Variants in RGS12 observed in about 807,000 individuals in gnomAD.
RGS12 encodes the protein regulator of G protein signaling 12.
RGS12 carries 66 observed loss-of-function variants against 120.1 expected under a neutral mutation model. The observed-to-expected ratio is 0.55, with a 90% CI of 0.45 to 0.67. The LOEUF (loss-of-function observed/expected upper bound fraction) is 0.67. Ranked by LOEUF, RGS12 falls within the 30% of genes least tolerant of loss-of-function variation. The pLI is 0.00. For missense variants in RGS12, 1,859 were observed against 1,957.7 expected (o/e 0.95, Z 0.95); for synonymous variants, 827 against 804.7 (o/e 1.03, Z -0.47).
chr4:3,439,384 G>A (rs1725119692), intron 17 of RGS12, 71 bp from the exon 18 acceptor site: 6 of 1,484,510 alleles, frequency 4.0e-6, no homozygotes, highest in Non-Finnish European at 5.6e-6. Context: ...GGGGCCTTCG[G>A]GGTAGGGGGT....
chr4:3,423,932 T>C (rs760832011), intron 13 of RGS12: 2 of 320,148 alleles, frequency 6.2e-6, no homozygotes, highest in Non-Finnish European at 1.2e-5. Context: ...AACCCTGGAC[T>C]ATCCTCCGCT....
intron 1 of RGS12, among the ~76,000 whole-genome samples, chr4:3,308,134 G>A (rs920947110): frequency 6.6e-6 from 1 of 152,244 alleles, no homozygotes; most frequent in Non-Finnish European, 1.5e-5. Context: ...CCGTCCATCT[G>A]GTGCTGCTAG....
In RGS12 at chr4:3,422,911, G is replaced by C. The variant is rs893794895; in HGVS notation, c.3040G>C (p.Val1014Leu). 3 of 1,613,232 alleles carry C rather than the reference G, an allele frequency of 1.9e-6. No homozygotes were observed. The highest frequency in any genetic ancestry group is 1.3e-5 in the African/African-American group (1 of 75,064). Residue 1014 changes from valine (V) to leucine (L), a missense_variant, in exon 12 of 18, where the codon GTG (valine) becomes CTG (leucine). Around this residue, in one of 3 missense-constraint regions of RGS12, gnomAD observed 375 missense variants for 475.0 expected, o/e 0.79. Coordinates refer to ENST00000336727, the MANE Select transcript of RGS12 (RefSeq NM_001394154.1). ...TGGTCTCTCTGTTCCTCAGCCTCTG[G>C]TGCTGCACCAAGACAGTAGCATCTT... The part of the protein sequence containing the change: ...LFLVGGDKPL[V>L]LHQDSSILES...
intron 3 of RGS12, among the ~76,000 whole-genome samples, chr4:3,375,499 GC>G (rs1272390057): frequency 3.1e-5 from 2 of 63,646 alleles, no homozygotes; most frequent in African/African-American, 6.4e-5. Flanking sequence ...CTCATCTCCA[GC>G]CCTCATCTCC....
intron 4 of RGS12, among the ~76,000 whole-genome samples, chr4:3,392,810 G>A (rs1719641917): frequency 6.6e-6 from 1 of 152,086 alleles, no homozygotes; most frequent in South Asian, 2.1e-4. Flanking sequence ...CCAACATGGT[G>A]AAACCCCGTG....
chr4:3,295,466 G>T (rs1398464743), intron 1 of RGS12, among the ~76,000 whole-genome samples: 1 of 152,004 alleles, frequency 6.6e-6, no homozygotes, highest in African/African-American at 2.4e-5. Context: ...TTCGAGACCA[G>T]CCTGGCCAAC....
intron 4 of RGS12, among the ~76,000 whole-genome samples, chr4:3,396,312 C>T (rs1037296126): frequency 5.3e-5 from 8 of 152,144 alleles, no homozygotes; most frequent in African/African-American, 1.9e-4. Context: ...TAATATAATC[C>T]AGTTTATCAT....
At chr4:3,424,724 A>T (rs1345778035) in intron 13 of RGS12, among the ~76,000 whole-genome samples, 1 of 152,022 alleles carries the variant, frequency 6.6e-6, no homozygotes, top group Non-Finnish European at 1.5e-5. Context: ...GTTGTTTGGG[A>T]TGTGGCTTTT....
intron 1 of RGS12, among the ~76,000 whole-genome samples, chr4:3,311,169 C>T (rs887502132): frequency 6.6e-6 from 1 of 152,182 alleles, no homozygotes; most frequent in Non-Finnish European, 1.5e-5. Flanking sequence ...CAGACTCTCT[C>T]TGCCTTCGGA....
intron 3 of RGS12, among the ~76,000 whole-genome samples, chr4:3,382,185 C>T (rs966831812): frequency 2.0e-5 from 3 of 152,146 alleles, no homozygotes; most frequent in African/African-American, 4.8e-5. Flanking sequence ...GTGATTATAC[C>T]ATGATATCAT....
intron 2 of RGS12, among the ~76,000 whole-genome samples, chr4:3,334,224 C>T (rs76655247): frequency 0.038 from 5,819 of 152,226 alleles, 291 homozygotes; most frequent in African/African-American, 0.12. Context: ...TTCGTTACTA[C>T]TTGTTAATAT....
Position 3,372,052 on chromosome 4 carries a change from G to A in RGS12, c.1999-14364G>A, listed in dbSNP as rs890155580. Among the ~76,000 whole-genome samples the A allele has an allele frequency of 1.3e-5, 2 of 152,214 alleles. No homozygotes were observed. The highest frequency in any genetic ancestry group is 4.8e-5 in the African/African-American group (2 of 41,444). On this transcript the variant is annotated intron_variant, in intron 3 of 17. Coordinates refer to ENST00000336727, the MANE Select transcript of RGS12 (RefSeq NM_001394154.1). The surrounding 1 kb of genome is among the most constrained non-coding windows in gnomAD (Gnocchi z 4.3). Reference sequence around the variant, plus strand: ...GCAGGCCGGGAAGATGCCCGTGCCTGTCACCTAATCGGGGCACCTCATCCT... The same window carrying A: ...GCAGGCCGGGAAGATGCCCGTGCCTATCACCTAATCGGGGCACCTCATCCT...
At chr4:3,421,951 G>T (rs1474069159) in intron 10 of RGS12, among the ~76,000 whole-genome samples, 3 of 152,264 alleles carry the variant, frequency 2.0e-5, no homozygotes, top group African/African-American at 7.2e-5. Flanking sequence ...TGCCGACGAA[G>T]TCACAGTCCA....
chr4:3,380,740 A>G (rs967312437), intron 3 of RGS12, among the ~76,000 whole-genome samples: 1 of 152,194 alleles, frequency 6.6e-6, no homozygotes, highest in African/African-American at 2.4e-5. Flanking sequence ...GATTCAGGGC[A>G]CCATGTCCTG....
At position 3,439,766 on chromosome 4, in the gene RGS12, A is replaced by G; in HGVS notation, c.*82A>G. On this transcript the variant is annotated 3_prime_UTR_variant, in exon 18 of 18. Transcript: ENST00000336727. ...GGATTCTGTGGGCCTCAGGGGGGCC[A>G]CCCTGGCCACCACACCCTCAGGAGC... 7.7e-7 allele frequency: 1 copy of G among 1,303,138 alleles called. No homozygotes were observed. The highest frequency in any genetic ancestry group is 1.0e-6 in the Non-Finnish European group (1 of 974,836). The allele number at this position is 1,303,138 out of a possible 1,614,324, so 80.7% of individuals were successfully genotyped here. A position where few individuals can be genotyped will look rare whatever the true frequency, so the allele number is the denominator to read the frequency against.
At position 3,389,240 on chromosome 4, in the gene RGS12, G is replaced by A. The variant is rs1041939760; in HGVS notation, c.2020+2803G>A. 2.0e-5 allele frequency among the ~76,000 whole-genome samples: 3 copies of A among 152,088 alleles called. No homozygotes were observed. Among genetic ancestry groups the A allele is most frequent in the Non-Finnish European group, 4.4e-5 (3 of 68,026 alleles). ...AGAAAGGGGCTGATAATGGCCACCC[G>A]TTTGTAGCCAAAGAGTGCCCTCGGG... On this transcript the variant is annotated intron_variant, in intron 4 of 17. Coordinates refer to ENST00000336727, the MANE Select transcript of RGS12 (RefSeq NM_001394154.1). This position sits in a 1 kb window ranked among gnomAD's most constrained non-coding sequence, Gnocchi z 5.2.
At chr4:3,409,881 C>T (rs1488460226) in intron 4 of RGS12, among the ~76,000 whole-genome samples, 1 of 152,186 alleles carries the variant, frequency 6.6e-6, no homozygotes, top group African/African-American at 2.4e-5. Flanking sequence ...TAGGCAGCCT[C>T]CAGGCCACCC....
intron 2 of RGS12, among the ~76,000 whole-genome samples, chr4:3,336,304 C>A (rs1712454150): frequency 6.6e-6 from 1 of 152,216 alleles, no homozygotes; most frequent in Non-Finnish European, 1.5e-5. Flanking sequence ...AGTCCCTCTG[C>A]CTTTCCATCC....
At chr4:3,291,572 C>G (rs1479805275), upstream of RGS12, among the ~76,000 whole-genome samples, 1 of 152,178 alleles carries the variant, frequency 6.6e-6, no homozygotes, top group African/African-American at 2.4e-5. Flanking sequence ...GTCTCGAACT[C>G]CTGAGCTCCG....
Sources: gnomAD v4.1 joint callset for allele counts (sites outside exome capture counted in the v4.1 genomes callset) on GRCh38, gnomAD v4.1.1 for gene constraint, gnomAD v4.1.1 regional missense constraint, Gnocchi (gnomAD v3.1) non-coding constraint, MANE v1.5 for transcripts, NCBI Gene and HGNC (gene_info 2026-07-23, HGNC 2026-07-21) for gene names.